The following BATF2 variants were observed in gnomAD, a reference collection of about 807,000 sequenced individuals.
The protein encoded by BATF2 is basic leucine zipper ATF-like transcription factor 2, also known as basic leucine zipper transcriptional factor ATF-like 2.
BATF2 carries 4 observed loss-of-function variants against 7.3 expected under a neutral mutation model. The observed-to-expected ratio is 0.55, with a 90% CI of 0.27 to 1.26. BATF2 has a LOEUF of 1.26. BATF2 is among the 50% of genes most tolerant of loss of function. The probability of loss-of-function intolerance (pLI) is 0.11; values close to 1 mark genes in which losing one functional copy is unlikely to be tolerated. For synonymous variants in BATF2, 152 were observed against 153.9 expected (o/e 0.99, Z 0.09); for missense variants, 295 against 340.5 (o/e 0.87, Z 1.05).
chr11:64,990,406 G>A, intron 2 of BATF2: 3 of 1,391,610 alleles, frequency 2.2e-6, no homozygotes, highest in Non-Finnish European at 2.8e-6. Context: ...CAACCTTGAT[G>A]TCATTCTGTC....
At chr11:64,990,109 C>A (rs1590720131) in intron 2 of BATF2, 1 of 1,535,780 alleles carries the variant, frequency 6.5e-7, no homozygotes, top group African/African-American at 1.4e-5. Context: ...CGTGTGTCCC[C>A]CAAACCACCT....
At chr11:64,995,547 C>T (rs879492806) in intron 1 of BATF2, among the ~76,000 whole-genome samples, 3 of 152,132 alleles carry the variant, frequency 2.0e-5, no homozygotes, top group African/African-American at 7.2e-5. Flanking sequence ...GGGTTTATTC[C>T]GGTGGAAGAG....
Position 64,988,792 on chromosome 11 carries a change from GAGA to G in BATF2, c.*334_*336del, listed in dbSNP as rs1242054635. 8.8e-6 allele frequency: 3 copies of G among 341,794 alleles called. No homozygotes were observed. The highest frequency in any genetic ancestry group is 1.7e-5 in the Non-Finnish European group (3 of 180,258). 21.2% of individuals were successfully genotyped at this position (341,794 alleles called of 1,614,324 possible). A position where few individuals can be genotyped will look rare whatever the true frequency, so the allele number is the denominator to read the frequency against. On this transcript the variant is annotated 3_prime_UTR_variant, in exon 3 of 3. Transcript: ENST00000301887. ...CCCTAGGATGCCTGGGCCAGGACAGGAGAAGGAGGAGCAGAGGGTGGTGTTTCG... is the reference window on the plus strand; with the variant it reads ...CCCTAGGATGCCTGGGCCAGGACAGGAGGAGGAGCAGAGGGTGGTGTTTCG...
chr11:64,996,503 G>A (rs1044802975), intron 1 of BATF2, among the ~76,000 whole-genome samples: 11 of 152,220 alleles, frequency 7.2e-5, no homozygotes, highest in African/African-American at 2.6e-4. Context: ...GTTATCTGCC[G>A]GCCTCAGACT....
At chr11:64,991,050 A>G (rs1238786744) in intron 2 of BATF2, among the ~76,000 whole-genome samples, 2 of 151,868 alleles carry the variant, frequency 1.3e-5, no homozygotes, top group African/African-American at 4.8e-5. Context: ...TCGGCCTCCC[A>G]AAGTTCTGGG....
chr11:64,989,611 G>A lies in BATF2; in HGVS notation c.343C>T (p.His115Tyr), dbSNP rs1013143977. ...GLLGPGPQGQ[H>Y]GCREQLELFQ... The stretch of plus-strand genomic sequence containing the variant: ...AGCTCCAGCTGCTCCCGGCAGCCAT[G>A]TTGTCCCTGTGGGCCAGGGCCCAGG... Residue 115 changes from histidine (H) to tyrosine (Y), a missense_variant, in exon 3 of 3, where the codon CAT becomes TAT. His to Tyr is a moderately conservative substitution (Grantham distance 83). Transcript: ENST00000301887. The surrounding 1 kb of genome is among the most constrained non-coding windows in gnomAD (Gnocchi z 4.3). 5.0e-6 allele frequency: 8 copies of A among 1,609,210 alleles called. 1 individual carries two copies. In the Admixed American group the frequency reaches 1.4e-4, roughly 27 times the overall value.
rs750352762 is a variant in BATF2, at chr11:64,989,844, C to A, written c.142-32G>T. On this transcript the variant is annotated intron_variant, in intron 2 of 2. Coordinates refer to ENST00000301887, the MANE Select transcript of BATF2 (RefSeq NM_138456.4). The surrounding 1 kb of genome is among the most constrained non-coding windows in gnomAD (Gnocchi z 4.3). ...AGAAGCAGATGGGCGGGGAGGGGAA[C>A]CTCAGCCAGTGTCAGGGGCCCCGCA... is the stretch of plus-strand genomic sequence containing the variant. 2.5e-6 allele frequency: 4 copies of A among 1,610,534 alleles called. No homozygotes were observed. The Admixed American group carries it at 5.0e-5, about 20-fold the overall frequency.
intron 2 of BATF2, 58 bp downstream of exon 2, chr11:64,994,390 G>A: frequency 6.7e-7 from 1 of 1,496,666 alleles, no homozygotes; most frequent in Admixed American, 2.0e-5. Context: ...TGGAGAAGAG[G>A]TGGCTGGGCC....
chr11:64,989,455 G>A lies in BATF2; in HGVS notation c.499C>T (p.Pro167Ser). The A allele has an allele frequency of 6.2e-7, 1 of 1,611,454 alleles. No homozygotes were observed. The highest frequency in any genetic ancestry group is 1.1e-5 in the South Asian group (1 of 90,764). Residue 167 changes from proline to serine, a missense_variant, in exon 3 of 3, where the codon CCT (proline) becomes TCT (serine). Physicochemically the swap from Pro to Ser is moderately conservative, Grantham distance 74. Coordinates refer to ENST00000301887, the MANE Select transcript of BATF2 (RefSeq NM_138456.4). The surrounding 1 kb of genome is among the most constrained non-coding windows in gnomAD (Gnocchi z 4.3). ...AGAGGGCTGGGGGACAGCTGGACAG[G>A]AGGTTCAGCAACCACAGCGGGGCCA... is the stretch of plus-strand genomic sequence containing the variant. ...SLGPAVVAEP[P>S]VQLSPSPLLF...
rs532080862 is a variant in BATF2, at chr11:64,996,695, C to T, written c.39+181G>A. Among the ~76,000 whole-genome samples the T allele has an allele frequency of 5.3e-5, 8 of 152,368 alleles. No homozygotes were observed. The South Asian group carries it at 1.7e-3, about 32-fold the overall frequency. ...GAGCTGGAAACAACTCATTCCAATC[C>T]AATCCCGACTTCGGGGGAGGAAAGT... On this transcript the variant is annotated intron_variant, in intron 1 of 2. Coordinates refer to ENST00000301887, the MANE Select transcript of BATF2 (RefSeq NM_138456.4).
At position 64,996,836 on chromosome 11, in the gene BATF2, CTCCCCTTCTCATCCCCGATCCCCAA is replaced by C; in HGVS notation, c.39+15_39+39del. Reference sequence around the variant, plus strand: ...CTGGGCACTGAGGACGGGATCCCAGCTCCCCTTCTCATCCCCGATCCCCAATCCCCTGTACTCACTGTCTGGGTCA... The same window carrying C: ...CTGGGCACTGAGGACGGGATCCCAGCTCCCCTGTACTCACTGTCTGGGTCA... On this transcript the variant is annotated intron_variant, in intron 1 of 2. Coordinates refer to ENST00000301887, the MANE Select transcript of BATF2 (RefSeq NM_138456.4). The C allele has an allele frequency of 6.2e-7, 1 of 1,611,216 alleles. No homozygotes were observed. The highest frequency in any genetic ancestry group is 8.5e-7 in the Non-Finnish European group (1 of 1,178,282).
intron 2 of BATF2, chr11:64,990,453 A>G (rs1946067168): frequency 1.6e-5 from 21 of 1,289,866 alleles, no homozygotes; most frequent in Non-Finnish European, 2.0e-5. Flanking sequence ...TTGAGGGCCC[A>G]GAACTCGCCC....
In BATF2 at chr11:64,989,118, C is replaced by T. The variant is rs56759307; in HGVS notation, c.*11G>A. ...CCCAAAGAAGGGGCCAACCCAGCTC[C>T]GAAGACCAGGTTAGAAGTGGACTTG... On this transcript the variant is annotated 3_prime_UTR_variant, in exon 3 of 3. Transcript: ENST00000301887. This position sits in a 1 kb window ranked among gnomAD's most constrained non-coding sequence, Gnocchi z 4.3. The T allele has an allele frequency of 0.034, 54,870 of 1,613,872 alleles. 2,183 individuals carry two copies. Among genetic ancestry groups the T allele is most frequent in the South Asian group, 0.16 (14,540 of 91,040 alleles).
chr11:64,992,633 G>A (rs1192383705), intron 2 of BATF2, among the ~76,000 whole-genome samples: 1 of 151,960 alleles, frequency 6.6e-6, no homozygotes, highest in Non-Finnish European at 1.5e-5. Flanking sequence ...GGCCGAGGTA[G>A]GTGGATCAAT....
chr11:64,996,909 G>A lies in BATF2; in HGVS notation c.6C>T (p.His2=), dbSNP rs761489276. Reference sequence around the variant, plus strand: ...TCAGCAGCCCATTGCCCCCACAGAGGTGCATGGCTTAGGCGGGGGAGCAGA... The same window carrying A: ...TCAGCAGCCCATTGCCCCCACAGAGATGCATGGCTTAGGCGGGGGAGCAGA... M[H]LCGGNGLLTQ... Residue 2 remains histidine (H), a synonymous_variant, in exon 1 of 3, where the codon CAC becomes CAT. Coordinates refer to ENST00000301887, the MANE Select transcript of BATF2 (RefSeq NM_138456.4). The A allele has an allele frequency of 3.1e-6, 5 of 1,602,264 alleles. No individual in the cohort carries two copies. Among genetic ancestry groups the A allele is most frequent in the South Asian group, 2.2e-5 (2 of 89,824 alleles).
rs1565165384 is a variant in BATF2 at position 64,989,650 on chromosome 11, G to C, written c.304C>G (p.Gln102Glu). ...SAPGLLGCWDQAEGLLGPGPQ... is the reference protein window; with the variant it reads ...SAPGLLGCWDEAEGLLGPGPQ... ...CCAGGGCCCAGGAGCCCCTCAGCCT[G>C]GTCCCAGCAGCCCAGGAGCCCTGGA... Residue 102 changes from glutamine (Q) to glutamate (E), a missense_variant, in exon 3 of 3, where the codon CAG (glutamine) becomes GAG (glutamate). Transcript: ENST00000301887. This position sits in a 1 kb window ranked among gnomAD's most constrained non-coding sequence, Gnocchi z 4.3. 2.5e-6 allele frequency: 4 copies of C among 1,613,222 alleles called. No individual in the cohort carries two copies. The highest frequency in any genetic ancestry group is 1.7e-4 in the Middle Eastern group (1 of 6,054).
rs1165088499 is a variant in BATF2 at position 64,995,988 on chromosome 11, GTC to G, written c.39+886_39+887del. On this transcript the variant is annotated intron_variant, in intron 1 of 2. Transcript: ENST00000301887. ...TTTTATTTTATTTTATTGAGACAGA[GTC>G]TCTGTCGCCCAGGCTGGAGTGCAGT... 3.3e-5 allele frequency among the ~76,000 whole-genome samples: 5 copies of G among 152,026 alleles called. No individual in the cohort carries two copies. In the East Asian group the frequency reaches 9.6e-4, roughly 29 times the overall value.
chr11:64,996,341 C>G (rs1476534370), intron 1 of BATF2, among the ~76,000 whole-genome samples: 1 of 152,188 alleles, frequency 6.6e-6, no homozygotes, highest in African/African-American at 2.4e-5. Context: ...ACTGCAACCT[C>G]CATCTCCCGG....
chr11:64,991,202 G>C (rs1946074823), intron 2 of BATF2, among the ~76,000 whole-genome samples: 2 of 148,906 alleles, frequency 1.3e-5, no homozygotes, highest in Non-Finnish European at 3.0e-5. Context: ...TGTCGCCCAG[G>C]CTGGAGTGCA....
Sources: gnomAD v4.1 joint callset for allele counts (sites outside exome capture counted in the v4.1 genomes callset) on GRCh38, gnomAD v4.1.1 for gene constraint, Gnocchi (gnomAD v3.1) non-coding constraint, MANE v1.5 for transcripts, NCBI Gene and HGNC (gene_info 2026-07-23, HGNC 2026-07-21) for gene names.